The following APC variants were observed in gnomAD, a reference collection of about 807,000 sequenced individuals.
APC encodes the protein APC regulator of Wnt signaling pathway.
APC carries 72 observed loss-of-function variants against 247.0 expected under a neutral mutation model. The ratio of observed to expected loss-of-function variants is 0.29; its 90% CI spans 0.24 to 0.35. APC has a LOEUF of 0.35. Among genes scored for constraint, APC ranks in the 10% least tolerant of loss-of-function variants. APC has a pLI of 1.00. For synonymous variants in APC, 1,254 were observed against 1,162.5 expected (o/e 1.08, Z -1.60); for missense variants, 3,400 against 3,360.7 (o/e 1.01, Z -0.29).
intron 5 of APC, 116 bp downstream of exon 5, chr5:112,775,853 A>G (rs1234121500): frequency 4.8e-6 from 3 of 623,514 alleles, no homozygotes; most frequent in Non-Finnish European, 8.4e-6. Context: ...GTAAATTGCA[A>G]TATGTTTTAC....
At chr5:112,771,262 G>C (rs753737173) in intron 4 of APC, among the ~76,000 whole-genome samples, 6 of 151,964 alleles carry the variant, frequency 3.9e-5, no homozygotes, top group Non-Finnish European at 8.8e-5. Flanking sequence ...ATGTTTTCGG[G>C]AGCAGAAACT....
intron 1 of APC, among the ~76,000 whole-genome samples, chr5:112,712,200 G>T (rs1750892679): frequency 6.6e-6 from 1 of 152,148 alleles, no homozygotes; most frequent in Admixed American, 6.5e-5. Context: ...TGTTCTCTTG[G>T]TGATCATATC....
chr5:112,734,965 T>TA (rs1752298479), upstream of APC, among the ~76,000 whole-genome samples: 1 of 151,944 alleles, frequency 6.6e-6, no homozygotes, highest in African/African-American at 2.4e-5. Context: ...CTATTAATCC[T>TA]ATTTAGTCAT....
intron 1 of APC, 60 bp downstream of exon 1, chr5:112,737,985 C>T (rs1752523790): frequency 6.3e-6 from 6 of 954,286 alleles, no homozygotes; most frequent in Non-Finnish European, 7.5e-6. Context: ...AGGTGGTTTT[C>T]CCTCGCACTG....
intron 6 of APC, among the ~76,000 whole-genome samples, chr5:112,782,242 C>A (rs980269652): frequency 6.6e-6 from 1 of 152,100 alleles, no homozygotes; most frequent in Admixed American, 6.6e-5. Flanking sequence ...ACCATCAGAT[C>A]TCGTGAGAAT....
intron 2 of APC, among the ~76,000 whole-genome samples, chr5:112,764,207 C>G (rs187603000): frequency 9.4e-4 from 139 of 148,378 alleles, no homozygotes; most frequent in African/African-American, 3.2e-3. Flanking sequence ...GATTGCGCCA[C>G]TGCTCTCCAG....
In APC at chr5:112,840,090, G is replaced by T. The variant is rs1278829075; in HGVS notation, c.4496G>T (p.Gly1499Val). ...LHFATESTPD[G>V]FSCSSSLSAL... ...TTTGCCACGGAAAGTACTCCAGATGGATTTTCTTGTTCATCCAGCCTGAGT... is the reference window on the plus strand; with the variant it reads ...TTTGCCACGGAAAGTACTCCAGATGTATTTTCTTGTTCATCCAGCCTGAGT... The change falls in exon 16 of 16, where the codon GGA becomes GTA. Residue 1499 changes from glycine (G) to valine (V), a missense_variant. Transcript: ENST00000257430. The surrounding 1 kb of genome is among the most constrained non-coding windows in gnomAD (Gnocchi z 4.1). The T allele has an allele frequency of 1.2e-6, 2 of 1,614,132 alleles. No individual in the cohort carries two copies. The highest frequency in any genetic ancestry group is 2.2e-5 in the South Asian group (2 of 91,076).
intron 11 of APC, among the ~76,000 whole-genome samples, chr5:112,825,828 T>A (rs1763603401): frequency 6.6e-6 from 1 of 152,224 alleles, no homozygotes; most frequent in Non-Finnish European, 1.5e-5. Context: ...CACCCTGTGG[T>A]TCTACATAGT....
At chr5:112,769,028 G>C (rs1756704419) in intron 4 of APC, among the ~76,000 whole-genome samples, 1 of 139,570 alleles carries the variant, frequency 7.2e-6, no homozygotes, top group African/African-American at 2.6e-5. Flanking sequence ...TTAGTAAAAA[G>C]TAAATTTTTC....
intron 4 of APC, among the ~76,000 whole-genome samples, chr5:112,771,652 T>C (rs1434635010): frequency 6.6e-6 from 1 of 152,174 alleles, no homozygotes; most frequent in African/African-American, 2.4e-5. Flanking sequence ...CTTTGGAAGC[T>C]TTTGAATGTT....
chr5:112,711,574 C>T (rs950969559), intron 1 of APC, among the ~76,000 whole-genome samples: 5 of 152,138 alleles, frequency 3.3e-5, no homozygotes, highest in Admixed American at 6.6e-5. Flanking sequence ...GAAAGATAAG[C>T]TGGGCCATGG....
intron 6 of APC, among the ~76,000 whole-genome samples, chr5:112,784,677 C>T (rs1283961762): frequency 6.6e-6 from 1 of 151,992 alleles, no homozygotes; most frequent in Non-Finnish European, 1.5e-5. Flanking sequence ...AAGAACGGCC[C>T]TGGAAGAGGA....
intron 5 of APC, 86 bp from the exon 6 acceptor site, chr5:112,780,704 C>T (rs1317940880): frequency 1.1e-6 from 1 of 932,188 alleles, no homozygotes; most frequent in African/African-American, 1.7e-5. Flanking sequence ...TATTCATTTT[C>T]TTTATTGGTT....
chr5:112,775,044 G>T (rs1426833589), intron 4 of APC, among the ~76,000 whole-genome samples: 3 of 152,086 alleles, frequency 2.0e-5, no homozygotes, highest in Non-Finnish European at 4.4e-5. Context: ...ATAATGCTCA[G>T]GTATACAGTT....
chr5:112,813,332 C>G (rs1013552384), intron 8 of APC, among the ~76,000 whole-genome samples: 1 of 152,066 alleles, frequency 6.6e-6, no homozygotes. Flanking sequence ...TCAGGAAAAC[C>G]TCACCTTGGC....
rs864622584 is a variant in APC, at chr5:112,838,623, G to A, written c.3029G>A (p.Ser1010Asn). The A allele has an allele frequency of 1.2e-6, 2 of 1,614,078 alleles. No individual in the cohort carries two copies. Among genetic ancestry groups the A allele is most frequent in the East Asian group, 2.2e-5 (1 of 44,866 alleles). Residue 1010 changes from serine to asparagine, a missense_variant, in exon 16 of 16, where the codon AGT (serine) becomes AAT (asparagine). Physicochemically the swap from Ser to Asn is conservative, Grantham distance 46 (BLOSUM62 1). Transcript: ENST00000257430. ...YPADLAHKIH[S>N]ANHMDDNDGE... ...GCCGACCTAGCCCATAAAATACATA[G>A]TGCAAATCATATGGATGATAATGAT...
intron 8 of APC, 135 bp from the exon 9 acceptor site, chr5:112,815,360 G>A (rs557056599): frequency 1.1e-4 from 72 of 640,104 alleles, no homozygotes; most frequent in Middle Eastern, 8.5e-4. Context: ...ATTTTGAACA[G>A]TTATAATGGT....
In APC at chr5:112,841,291, A is replaced by T. The variant is rs1429224530; in HGVS notation, c.5697A>T (p.Glu1899Asp). Residue 1899 changes from glutamate to aspartate, a missense_variant, in exon 16 of 16, where the codon GAA becomes GAT. Around this residue, in one of 9 missense-constraint regions of APC, gnomAD observed 1,788 missense variants for 1,649.5 expected, o/e 1.08. Coordinates refer to ENST00000257430, the MANE Select transcript of APC (RefSeq NM_000038.6). The surrounding 1 kb of genome is among the most constrained non-coding windows in gnomAD (Gnocchi z 4.6). ...AGGCTAAAGTTACCAGCCACACAGA[A>T]CTAACCTCCAACCAACAATCAGCTA... is the stretch of plus-strand genomic sequence containing the variant. ...ESEAKVTSHT[E>D]LTSNQQSANK... The T allele has an allele frequency of 1.2e-6, 2 of 1,613,990 alleles. No homozygotes were observed.
intron 6 of APC, among the ~76,000 whole-genome samples, chr5:112,785,737 T>C (rs1758865003): frequency 6.6e-6 from 1 of 152,184 alleles, no homozygotes; most frequent in Non-Finnish European, 1.5e-5. Flanking sequence ...GAGAAATTGA[T>C]AAATTACTCA....
Sources: allele counts gnomAD v4.1 joint callset (sites outside exome capture counted in the v4.1 genomes callset), GRCh38; gene constraint gnomAD v4.1.1; regional missense constraint gnomAD v4.1.1; non-coding constraint Gnocchi (gnomAD v3.1); transcripts MANE v1.5; gene names NCBI Gene and HGNC (gene_info 2026-07-23, HGNC 2026-07-21).